Variants in DPP6 observed in about 807,000 individuals in gnomAD.
DPP6 encodes the protein A-type potassium channel modulatory protein DPP6.
DPP6 carries 69 observed loss-of-function variants against 122.6 expected under a neutral mutation model. That is an observed-to-expected ratio of 0.56 (90% CI 0.46 to 0.69). The LOEUF is 0.69. Among genes scored for constraint, DPP6 ranks in the 30% least tolerant of loss-of-function variants. The probability of loss-of-function intolerance (pLI) is 0.00; values close to 1 mark genes in which losing one functional copy is unlikely to be tolerated. For missense variants in DPP6, 928 were observed against 1,116.9 expected (o/e 0.83, Z 2.41); for synonymous variants, 418 against 433.1 (o/e 0.97, Z 0.43).
intron 1 of DPP6, among the ~76,000 whole-genome samples, chr7:154,284,123 G>A (rs192506063): frequency 5.3e-5 from 8 of 152,244 alleles, no homozygotes; most frequent in South Asian, 2.1e-4. Flanking sequence ...AAAGAGAGGC[G>A]AGTGAGACCT....
intron 1 of DPP6, among the ~76,000 whole-genome samples, chr7:154,176,355 T>G (rs1270010703): frequency 6.6e-6 from 1 of 152,206 alleles, no homozygotes; most frequent in Non-Finnish European, 1.5e-5. Context: ...ATACAAACAT[T>G]TGAAACCCAC....
chr7:154,305,624 G>A (rs1370005570), intron 1 of DPP6: 1 of 1,530,154 alleles, frequency 6.5e-7, no homozygotes, highest in Non-Finnish European at 8.8e-7. Flanking sequence ...GTGTGCATGA[G>A]AGAGACAGAG....
intron 1 of DPP6, among the ~76,000 whole-genome samples, chr7:154,087,280 C>T (rs1442399346): frequency 6.6e-6 from 1 of 152,000 alleles, no homozygotes; most frequent in Non-Finnish European, 1.5e-5. Context: ...TCAGCACCAA[C>T]CTCTTGGGAC....
chr7:154,889,690 G>A (rs1806447887), intron 25 of DPP6, 160 bp downstream of exon 25: 10 of 1,125,266 alleles, frequency 8.9e-6, no homozygotes, highest in African/African-American at 1.6e-5. Flanking sequence ...ATCAGCACAT[G>A]CTCAACGTTT....
At chr7:153,976,072 G>T (rs2129035715) in intron 1 of DPP6, among the ~76,000 whole-genome samples, 1 of 152,274 alleles carries the variant, frequency 6.6e-6, no homozygotes, top group East Asian at 1.9e-4. Context: ...AGTGTGTGAG[G>T]TCTTAGGCTG....
chr7:154,553,333 T>C (rs1829770798), intron 4 of DPP6, among the ~76,000 whole-genome samples: 1 of 152,138 alleles, frequency 6.6e-6, no homozygotes, highest in Non-Finnish European at 1.5e-5. Flanking sequence ...GACTTGCTCA[T>C]GGGTGGAGAG....
chr7:154,573,025 G>A (rs1831229547), intron 5 of DPP6, among the ~76,000 whole-genome samples: 1 of 152,042 alleles, frequency 6.6e-6, no homozygotes, highest in Non-Finnish European at 1.5e-5. Context: ...TATAGCTATT[G>A]TTATAATATG....
intron 9 of DPP6, 121 bp downstream of exon 9, chr7:154,769,692 A>T: frequency 1.6e-6 from 2 of 1,286,336 alleles, no homozygotes; most frequent in Admixed American, 3.3e-5. Context: ...TTAACACAAG[A>T]AAGACTAATC....
intron 1 of DPP6, among the ~76,000 whole-genome samples, chr7:154,268,895 A>G (rs527450278): frequency 1.8e-4 from 27 of 150,234 alleles, no homozygotes; most frequent in African/African-American, 6.6e-4. Context: ...TGCCTTGTTT[A>G]CTGATTGTTT....
the DPP6 span, among the ~76,000 whole-genome samples, chr7:153,843,274 G>A: frequency 4.2e-4 from 18 of 43,276 alleles, no homozygotes; most frequent in African/African-American, 6.0e-4. Context: ...ACACGCATGC[G>A]CGCGCGCACA....
intron 1 of DPP6, among the ~76,000 whole-genome samples, chr7:154,068,089 G>A (rs191380831): frequency 3.9e-5 from 6 of 151,996 alleles, no homozygotes; most frequent in Non-Finnish European, 8.8e-5. Context: ...TGAATGAAAC[G>A]AACAGAATTT....
the DPP6 span, among the ~76,000 whole-genome samples, chr7:153,872,819 G>T: frequency 1.3e-5 from 2 of 152,160 alleles, no homozygotes; most frequent in African/African-American, 4.8e-5. Flanking sequence ...TATTTGTAAA[G>T]AAAGTGTAGG....
intron 1 of DPP6, among the ~76,000 whole-genome samples, chr7:154,003,299 G>A (rs1256650092): frequency 1.3e-5 from 2 of 152,164 alleles, no homozygotes; most frequent in African/African-American, 4.8e-5. Context: ...TCACTAATGT[G>A]TGTGTCCCAG....
At chr7:154,747,372 G>A (rs1843084381) in intron 8 of DPP6, among the ~76,000 whole-genome samples, 1 of 152,224 alleles carries the variant, frequency 6.6e-6, no homozygotes, top group Admixed American at 6.5e-5. Flanking sequence ...TTTGCCCAGT[G>A]AAATGGGGTA....
At chr7:154,815,585 C>T (rs1429263198) in intron 16 of DPP6, among the ~76,000 whole-genome samples, 1 of 152,212 alleles carries the variant, frequency 6.6e-6, no homozygotes, top group Non-Finnish European at 1.5e-5. Context: ...CAAATGCCAC[C>T]AGGAAAGTGA....
At chr7:153,944,952 G>A (rs58540007) in intron 1 of DPP6, among the ~76,000 whole-genome samples, 33,660 of 151,762 alleles carry the variant, frequency 0.22, 3,911 homozygotes, top group Middle Eastern at 0.26. Flanking sequence ...GCTGTTTTTT[G>A]CCTCAAGCGC....
intron 1 of DPP6, among the ~76,000 whole-genome samples, chr7:154,266,510 C>A (rs940408351): frequency 1.1e-4 from 16 of 152,106 alleles, no homozygotes; most frequent in African/African-American, 3.6e-4. Flanking sequence ...ACCTGGGAGG[C>A]AGAGGTTGCA....
chr7:154,521,424 G>T (rs1370874830), intron 3 of DPP6, among the ~76,000 whole-genome samples: 2 of 150,812 alleles, frequency 1.3e-5, no homozygotes, highest in Non-Finnish European at 2.9e-5. Flanking sequence ...AATACAGAAA[G>T]AGGGCCTTCG....
chr7:154,363,375 G>A (rs967666026), intron 1 of DPP6, among the ~76,000 whole-genome samples: 5 of 152,230 alleles, frequency 3.3e-5, no homozygotes, highest in Non-Finnish European at 5.9e-5. Context: ...TCAAGAGAGG[G>A]TTGGGTAGGG....
Sources: allele counts gnomAD v4.1 joint callset (sites outside exome capture counted in the v4.1 genomes callset), GRCh38; gene constraint gnomAD v4.1.1; transcripts MANE v1.5; gene names NCBI Gene and HGNC (gene_info 2026-07-23, HGNC 2026-07-21).